SLC1A2: variants seen among roughly 807,000 people sequenced by gnomAD.
SLC1A2 encodes excitatory amino acid transporter 2.
SLC1A2 carries 15 observed loss-of-function variants against 48.8 expected under a neutral mutation model. The observed-to-expected ratio is 0.31, with a 90% CI of 0.21 to 0.47. The LOEUF (loss-of-function observed/expected upper bound fraction) is 0.47. Ranked by LOEUF, SLC1A2 falls within the 20% of genes least tolerant of loss-of-function variation. The probability of loss-of-function intolerance (pLI) is 0.99; values close to 1 mark genes in which losing one functional copy is unlikely to be tolerated. For synonymous variants in SLC1A2, 279 were observed against 272.6 expected, an observed-to-expected ratio of 1.02 and a Z score of -0.23; for missense variants, 502 against 730.5, an observed-to-expected ratio of 0.69 and a Z score of 3.61.
intron 1 of SLC1A2, among the ~76,000 whole-genome samples, chr11:35,329,881 A>G (rs1177203296): frequency 2.0e-5 from 3 of 152,220 alleles, no homozygotes; most frequent in Non-Finnish European, 4.4e-5. Flanking sequence ...AACAGTTGCC[A>G]TCAGACAATG....
intron 1 of SLC1A2, chr11:35,323,449 C>T (rs758145508): frequency 1.3e-5 from 2 of 152,200 alleles, no homozygotes; most frequent in Non-Finnish European, 2.9e-5. Context: ...GTTTAAGTAT[C>T]AATTTTGGCC....
Position 35,312,421 on chromosome 11 carries a change from C to G in SLC1A2, c.338G>C (p.Ser113Thr). 6.2e-7 allele frequency: 1 copy of G among 1,614,162 alleles called. No individual in the cohort carries two copies. The highest frequency in any genetic ancestry group is 8.5e-7 in the Non-Finnish European group (1 of 1,180,004). ...CATGGCTCTCGTGCCCAAGCGGCCA[C>G]TAGCCTTAGCATCCAGGCCTGACAA... ...TGLSGLDAKA[S>T]GRLGTRAMVY... The change falls in exon 4 of 11, where the codon AGT becomes ACT. Residue 113 changes from serine to threonine, a missense_variant. Coordinates refer to ENST00000278379, the MANE Select transcript of SLC1A2 (RefSeq NM_004171.4).
In SLC1A2 at chr11:35,251,904, T is replaced by A. The variant is rs184077165; in HGVS notation, c.*8990A>T. On this transcript the variant is annotated 3_prime_UTR_variant, in exon 11 of 11. Coordinates refer to ENST00000278379, the MANE Select transcript of SLC1A2 (RefSeq NM_004171.4). ...GAACTATAGACCTCACAGCATTGTA[T>A]TTAGCGATAATTATACAGAATGTGT... The A allele has an allele frequency of 1.3e-5, 2 of 152,734 alleles. No individual in the cohort carries two copies. Among genetic ancestry groups the A allele is most frequent in the Admixed American group, 1.3e-4 (2 of 15,298 alleles). The allele number at this position is 152,734 out of a possible 1,614,324, so 9.5% of individuals were successfully genotyped here.
intron 1 of SLC1A2, among the ~76,000 whole-genome samples, chr11:35,344,628 C>T (rs947079545): frequency 6.6e-6 from 1 of 152,228 alleles, no homozygotes; most frequent in Non-Finnish European, 1.5e-5. Flanking sequence ...GTTGTTGCTT[C>T]TGACATGGCT....
chr11:35,272,066 GTGTTT>G (rs895496027), intron 9 of SLC1A2, among the ~76,000 whole-genome samples: 9 of 152,314 alleles, frequency 5.9e-5, no homozygotes, highest in African/African-American at 2.2e-4. Flanking sequence ...GATCAAATTT[GTGTTT>G]TGTTTTAAGA....
intron 1 of SLC1A2, among the ~76,000 whole-genome samples, chr11:35,339,141 C>G (rs1393016488): frequency 6.6e-6 from 1 of 152,144 alleles, no homozygotes; most frequent in Non-Finnish European, 1.5e-5. Flanking sequence ...GATGTCATAG[C>G]CATTTGTCAG....
At chr11:35,323,561 G>A (rs1176028046) in intron 1 of SLC1A2, among the ~76,000 whole-genome samples, 1 of 152,136 alleles carries the variant, frequency 6.6e-6, no homozygotes, top group African/African-American at 2.4e-5. Context: ...AATTCTCCAG[G>A]TAGGGAAAAG....
chr11:35,385,974 T>C (rs890897368), intron 1 of SLC1A2, among the ~76,000 whole-genome samples: 9 of 152,134 alleles, frequency 5.9e-5, no homozygotes, highest in Non-Finnish European at 1.3e-4. Context: ...TAGACCATCC[T>C]GGCTAACATG....
intron 10 of SLC1A2, chr11:35,261,962 C>T (rs1950401141): frequency 2.6e-6 from 1 of 379,048 alleles, no homozygotes; most frequent in Admixed American, 4.5e-5. Flanking sequence ...TTCAGAAAAA[C>T]AGACCATGCA....
intron 7 of SLC1A2, among the ~76,000 whole-genome samples, chr11:35,287,261 C>T (rs2134720794): frequency 1.3e-5 from 2 of 150,312 alleles, no homozygotes; most frequent in East Asian, 3.9e-4. Context: ...TGAAGTGCAT[C>T]TGATTGCCCA....
chr11:35,281,272 T>C (rs1381423478), intron 8 of SLC1A2, among the ~76,000 whole-genome samples: 3 of 152,172 alleles, frequency 2.0e-5, no homozygotes, highest in Non-Finnish European at 2.9e-5. Flanking sequence ...TAGTCTAATA[T>C]ATCACAGGGC....
intron 1 of SLC1A2, among the ~76,000 whole-genome samples, chr11:35,404,798 G>A (rs1855236357): frequency 6.6e-6 from 1 of 152,142 alleles, no homozygotes; most frequent in South Asian, 2.1e-4. Context: ...GAGAGAGAAA[G>A]CAAATAAAGT....
intron 1 of SLC1A2, among the ~76,000 whole-genome samples, chr11:35,409,094 C>G (rs1399693560): frequency 2.0e-5 from 3 of 152,168 alleles, no homozygotes; most frequent in Admixed American, 6.5e-5. Flanking sequence ...AGGGAAAACA[C>G]TCACGAAGAT....
chr11:35,324,342 C>T (rs1804366263), intron 1 of SLC1A2, among the ~76,000 whole-genome samples: 1 of 152,214 alleles, frequency 6.6e-6, no homozygotes, highest in South Asian at 2.1e-4. Context: ...AATGCAATCA[C>T]ATAATTACAT....
chr11:35,368,836 G>A, intron 1 of SLC1A2, among the ~76,000 whole-genome samples: 1 of 152,216 alleles, frequency 6.6e-6, no homozygotes, highest in Non-Finnish European at 1.5e-5. Context: ...CCTGGGATAT[G>A]CCATTTTGTG....
intron 10 of SLC1A2, among the ~76,000 whole-genome samples, chr11:35,263,441 C>G (rs1222276270): frequency 1.3e-5 from 2 of 152,122 alleles, no homozygotes; most frequent in African/African-American, 2.4e-5. Flanking sequence ...GCACTCCAGC[C>G]TGGGCAACAA....
intron 1 of SLC1A2, among the ~76,000 whole-genome samples, chr11:35,386,451 A>G (rs941450629): frequency 6.6e-6 from 1 of 152,208 alleles, no homozygotes; most frequent in African/African-American, 2.4e-5. Context: ...AGTGTACATC[A>G]ACAATCAACT....
intron 1 of SLC1A2, among the ~76,000 whole-genome samples, chr11:35,355,889 CA>C (rs34058137): frequency 0.098 from 11,515 of 116,968 alleles, 624 homozygotes; most frequent in African/African-American, 0.2. Context: ...CATCTCATCT[CA>C]AAAAAAAAAA....
chr11:35,324,148 G>C (rs1349176233), intron 1 of SLC1A2, among the ~76,000 whole-genome samples: 1 of 152,252 alleles, frequency 6.6e-6, no homozygotes, highest in African/African-American at 2.4e-5. Flanking sequence ...GCCCAAGCCA[G>C]CTAATACAAT....
Sources: gnomAD v4.1 joint callset for allele counts (sites outside exome capture counted in the v4.1 genomes callset) on GRCh38, gnomAD v4.1.1 for gene constraint, MANE v1.5 for transcripts, NCBI Gene and HGNC (gene_info 2026-07-23, HGNC 2026-07-21) for gene names.